Variants in KLHL3 observed in about 807,000 individuals in gnomAD.
KLHL3 encodes the protein kelch like family member 3, also known as kelch-like protein 3.
KLHL3 carries 19 observed loss-of-function variants against 70.5 expected under a neutral mutation model. The ratio of observed to expected loss-of-function variants is 0.27; its 90% CI spans 0.19 to 0.40. The LOEUF (loss-of-function observed/expected upper bound fraction) is 0.40, where lower values mean the gene tolerates loss of function less well. Ranked by LOEUF, KLHL3 falls within the 10% of genes least tolerant of loss-of-function variation. KLHL3 has a pLI of 1.00. For synonymous variants in KLHL3, 258 were observed against 290.3 expected (o/e 0.89, Z 1.13); for missense variants, 512 against 771.1 (o/e 0.66, Z 3.98).
chr5:137,658,416 A>G (rs990194704), intron 7 of KLHL3, 136 bp from the exon 8 acceptor site: 1 of 826,458 alleles, frequency 1.2e-6, no homozygotes, highest in Admixed American at 2.2e-5. Flanking sequence ...CCAAAGAGTT[A>G]CAACTTACTG....
At chr5:137,625,010 C>A (rs1313328679) in intron 14 of KLHL3, among the ~76,000 whole-genome samples, 2 of 152,206 alleles carry the variant, frequency 1.3e-5, no homozygotes, top group African/African-American at 4.8e-5. Flanking sequence ...CTGACTTTGC[C>A]ATTTATTAGC....
intron 6 of KLHL3, among the ~76,000 whole-genome samples, chr5:137,668,278 C>T (rs1354063057): frequency 3.3e-5 from 5 of 152,066 alleles, no homozygotes; most frequent in African/African-American, 7.2e-5. Flanking sequence ...GGCGTGGTGG[C>T]GCACACCTGT....
In KLHL3 at chr5:137,641,021, G is replaced by A. The variant is rs900956659; in HGVS notation, c.904-1044C>T. On this transcript the variant is annotated intron_variant, in intron 8 of 14. Transcript: ENST00000309755. ...CAATGAAAACTACTGCTCTGGTTAG[G>A]TTAATAGAACTGCAGTACTTAATTA... Among the ~76,000 whole-genome samples the A allele has an allele frequency of 3.9e-5, 6 of 152,144 alleles. No individual in the cohort carries two copies. The East Asian group carries it at 1.2e-3, about 29-fold the overall frequency.
At chr5:137,721,968 G>A (rs1580786959) in intron 1 of KLHL3, among the ~76,000 whole-genome samples, 1 of 152,224 alleles carries the variant, frequency 6.6e-6, no homozygotes, top group Non-Finnish European at 1.5e-5. Context: ...GGAGTAGTGT[G>A]AGACCTTGGA....
At chr5:137,657,225 A>G (rs1392332149) in intron 8 of KLHL3, among the ~76,000 whole-genome samples, 2 of 152,196 alleles carry the variant, frequency 1.3e-5, no homozygotes, top group South Asian at 2.1e-4. Context: ...AGCCAGCTGG[A>G]AAGAGGAGGA....
chr5:137,663,056 CTT>C (rs139890036), intron 6 of KLHL3, among the ~76,000 whole-genome samples: 114 of 77,910 alleles, frequency 1.5e-3, no homozygotes, highest in African/African-American at 4.1e-3. Context: ...AGCACTCGTT[CTT>C]TTTTTTTTTT....
intron 3 of KLHL3, among the ~76,000 whole-genome samples, chr5:137,708,837 T>C (rs10515496): frequency 0.19 from 29,451 of 151,992 alleles, 3,095 homozygotes; most frequent in African/African-American, 0.26. Context: ...CATTATAGAT[T>C]CCAGGAAACA....
At chr5:137,651,467 A>T (rs983519618) in intron 8 of KLHL3, among the ~76,000 whole-genome samples, 1 of 152,264 alleles carries the variant, frequency 6.6e-6, no homozygotes, top group Non-Finnish European at 1.5e-5. Flanking sequence ...AAACATTTAC[A>T]ATAGCATCTA....
intron 13 of KLHL3, among the ~76,000 whole-genome samples, chr5:137,627,741 G>A (rs1254558131): frequency 6.6e-6 from 1 of 152,108 alleles, no homozygotes; most frequent in Non-Finnish European, 1.5e-5. Flanking sequence ...ATACACTACA[G>A]TAAATCTTTC....
intron 12 of KLHL3, chr5:137,628,712 T>TAC (rs66565266): frequency 6.0e-5 from 12 of 198,604 alleles, no homozygotes; most frequent in African/African-American, 2.7e-4. Context: ...TATATATATA[T>TAC]ACACACACAC....
intron 2 of KLHL3, among the ~76,000 whole-genome samples, chr5:137,710,621 G>A (rs1238414466): frequency 6.6e-6 from 1 of 152,156 alleles, no homozygotes; most frequent in Non-Finnish European, 1.5e-5. Context: ...TTCATAGACA[G>A]AATAGGGATC....
Position 137,637,295 on chromosome 5 carries a change from C to T in KLHL3, c.1320G>A (p.Glu440=), listed in dbSNP as rs36002646. ...CACTGGCCACTGCCGCCTCCTTACC[C>T]TCCACAACGCCCACACCCACACTGC... ...RRSSVGVGVV[E]GKLYAVGGYD... The change falls in exon 11 of 15, where the codon GAG becomes GAA. Residue 440 remains glutamate, a splice_region_variant and synonymous_variant. Transcript: ENST00000309755. The T allele has an allele frequency of 6.2e-7, 1 of 1,614,004 alleles. No homozygotes were observed. Among genetic ancestry groups the T allele is most frequent in the Non-Finnish European group, 8.5e-7 (1 of 1,179,840 alleles).
At chr5:137,637,672 G>A (rs577424836) in intron 10 of KLHL3, among the ~76,000 whole-genome samples, 35 of 152,310 alleles carry the variant, frequency 2.3e-4, no homozygotes, top group African/African-American at 3.6e-4. Context: ...CATAAAAACC[G>A]CAGAGTGGGA....
intron 12 of KLHL3, among the ~76,000 whole-genome samples, chr5:137,631,087 A>G (rs927920142): frequency 1.2e-4 from 18 of 148,350 alleles, no homozygotes; most frequent in African/African-American, 3.4e-4. Flanking sequence ...AAAAAAAAAA[A>G]AAAGAGAGAG....
intron 5 of KLHL3, among the ~76,000 whole-genome samples, chr5:137,681,010 TA>T (rs932450292): frequency 2.0e-4 from 30 of 147,644 alleles, no homozygotes; most frequent in African/African-American, 3.0e-4. Flanking sequence ...CCTCTCTATT[TA>T]AAAAAAAAAA....
Position 137,673,479 on chromosome 5 carries a change from C to G in KLHL3, c.636+4066G>C, listed in dbSNP as rs186456460. ...ACTAGTGATTTTGTGTGACTCCCAT[C>G]ACATCCATTTGACCTCTCTCAATAA... On this transcript the variant is annotated intron_variant, in intron 6 of 14. Coordinates refer to ENST00000309755, the MANE Select transcript of KLHL3 (RefSeq NM_017415.3). Among the ~76,000 whole-genome samples the G allele has an allele frequency of 2.6e-5, 4 of 152,260 alleles. No homozygotes were observed. The East Asian group carries it at 7.7e-4, about 29-fold the overall frequency.
intron 8 of KLHL3, among the ~76,000 whole-genome samples, chr5:137,640,218 C>A (rs555813111): frequency 6.6e-6 from 1 of 152,342 alleles, no homozygotes; most frequent in South Asian, 2.1e-4. Flanking sequence ...ATGCCCCACT[C>A]GGGGCTATCT....
intron 5 of KLHL3, among the ~76,000 whole-genome samples, chr5:137,685,760 T>TG (rs1274365035): frequency 6.6e-6 from 1 of 152,176 alleles, no homozygotes; most frequent in Non-Finnish European, 1.5e-5. Flanking sequence ...TACACATGAA[T>TG]GCTTGAGCTA....
chr5:137,672,248 T>C (rs1182574944), intron 6 of KLHL3, among the ~76,000 whole-genome samples: 1 of 152,106 alleles, frequency 6.6e-6, no homozygotes, highest in Non-Finnish European at 1.5e-5. Flanking sequence ...GCAGCAATCA[T>C]GCAAGCCCAG....
Sources: gnomAD v4.1 joint callset for allele counts (sites outside exome capture counted in the v4.1 genomes callset) on GRCh38, gnomAD v4.1.1 for gene constraint, MANE v1.5 for transcripts, NCBI Gene and HGNC (gene_info 2026-07-23, HGNC 2026-07-21) for gene names.